The following ZNF385D variants were observed in gnomAD, a reference collection of about 807,000 sequenced individuals.
The protein encoded by ZNF385D is zinc finger protein 659.
Under a neutral mutation model 35.8 loss-of-function variants are expected in ZNF385D, and 15 were observed. The observed-to-expected ratio is 0.42, with a 90% CI of 0.28 to 0.64. The LOEUF (loss-of-function observed/expected upper bound fraction) is 0.64. ZNF385D is among the 30% of genes least tolerant of loss of function. ZNF385D has a pLI of 0.23. For synonymous variants in ZNF385D, 212 were observed against 186.8 expected (o/e 1.13, Z -1.10); for missense variants, 474 against 494.6 (o/e 0.96, Z 0.39).
intron 3 of ZNF385D, among the ~76,000 whole-genome samples, chr3:21,887,616 G>A (rs943452984): frequency 4.6e-5 from 7 of 152,004 alleles, no homozygotes; most frequent in East Asian, 1.9e-4. Context: ...GAGAAAAATC[G>A]TGTGATAGAA....
intron 2 of ZNF385D, among the ~76,000 whole-genome samples, chr3:22,259,510 T>C (rs1162985188): frequency 4.6e-5 from 7 of 152,008 alleles, no homozygotes; most frequent in African/African-American, 1.7e-4. Context: ...CAAACACTCA[T>C]ACAGCACCTT....
At chr3:22,020,383 G>T (rs1697152820) in intron 3 of ZNF385D, among the ~76,000 whole-genome samples, 1 of 151,698 alleles carries the variant, frequency 6.6e-6, no homozygotes, top group African/African-American at 2.4e-5. Context: ...TGAACCACAT[G>T]GGGAACATAA....
intron 4 of ZNF385D, among the ~76,000 whole-genome samples, chr3:21,508,024 G>C (rs1335011293): frequency 6.6e-6 from 1 of 151,918 alleles, no homozygotes; most frequent in Non-Finnish European, 1.5e-5. Flanking sequence ...TTTTTGTTTT[G>C]TTTTGTTTTT....
At chr3:21,891,101 T>G (rs775003099) in intron 3 of ZNF385D, among the ~76,000 whole-genome samples, 1 of 152,090 alleles carries the variant, frequency 6.6e-6, no homozygotes, top group Non-Finnish European at 1.5e-5. Context: ...ATTTGCAAAA[T>G]GGTTAAAGTA....
intron 2 of ZNF385D, among the ~76,000 whole-genome samples, chr3:22,175,356 G>C (rs2125769382): frequency 6.6e-6 from 1 of 151,978 alleles, no homozygotes; most frequent in South Asian, 2.1e-4. Flanking sequence ...CTCATGTCAT[G>C]GGATTAGATA....
chr3:21,461,529 T>A (rs1240224450), intron 4 of ZNF385D, among the ~76,000 whole-genome samples: 1 of 152,150 alleles, frequency 6.6e-6, no homozygotes, highest in East Asian at 1.9e-4. Context: ...GCCTGGGCAA[T>A]GGAGCTAGAC....
chr3:22,050,403 C>T (rs929956275), intron 3 of ZNF385D, among the ~76,000 whole-genome samples: 10 of 152,006 alleles, frequency 6.6e-5, no homozygotes, highest in Non-Finnish European at 1.2e-4. Flanking sequence ...ACCACCACAA[C>T]AAGAAAACAC....
chr3:21,427,664 T>A (rs962448549), intron 5 of ZNF385D, among the ~76,000 whole-genome samples: 1 of 152,082 alleles, frequency 6.6e-6, no homozygotes, highest in Non-Finnish European at 1.5e-5. Context: ...ATATGGTGCT[T>A]CTCAGAATAT....
At chr3:22,333,631 T>C (rs1425909281) in intron 2 of ZNF385D, among the ~76,000 whole-genome samples, 1 of 152,164 alleles carries the variant, frequency 6.6e-6, no homozygotes, top group Non-Finnish European at 1.5e-5. Context: ...TTTACATATA[T>C]TCTATTTCTT....
At position 21,880,338 on chromosome 3, in the gene ZNF385D, C is replaced by A. The variant is rs192100128; in HGVS notation, c.326-215310G>T. On this transcript the variant is annotated intron_variant, in intron 3 of 5. Coordinates refer to the ZNF385D transcript ENST00000494108. ...GCTTCTATTGGCACCATTTTTCCAA[C>A]AGCATGTGCTCACTTCGTGTTTCTG... Among the ~76,000 whole-genome samples, 6 of 152,132 alleles carry A rather than the reference C, an allele frequency of 3.9e-5. No individual in the cohort carries two copies. In the East Asian group the frequency reaches 7.8e-4, roughly 20 times the overall value.
chr3:21,636,739 C>T (rs935850278), intron 2 of ZNF385D, among the ~76,000 whole-genome samples: 1 of 151,890 alleles, frequency 6.6e-6, no homozygotes, highest in African/African-American at 2.4e-5. Context: ...CCCTCGCAGA[C>T]ACACCCAGGA....
At chr3:21,606,403 TTAGTGCCC>T (rs1412069117) in intron 2 of ZNF385D, among the ~76,000 whole-genome samples, 1 of 152,220 alleles carries the variant, frequency 6.6e-6, no homozygotes, top group African/African-American at 2.4e-5. Flanking sequence ...CTTTTTCTTA[TTAGTGCCC>T]TGACTGATCC....
chr3:22,178,461 T>A (rs533027203), intron 2 of ZNF385D, among the ~76,000 whole-genome samples: 24 of 152,290 alleles, frequency 1.6e-4, no homozygotes, highest in Middle Eastern at 6.8e-3. Context: ...GTTTGAGTTC[T>A]TTGTAGATTC....
intron 3 of ZNF385D, among the ~76,000 whole-genome samples, chr3:21,557,770 G>A (rs1328856222): frequency 1.3e-5 from 2 of 152,096 alleles, no homozygotes; most frequent in African/African-American, 2.4e-5. Context: ...GGTAGAATTC[G>A]TCTGTGAATC....
chr3:21,497,089 C>A (rs1705958323), intron 4 of ZNF385D, among the ~76,000 whole-genome samples: 1 of 152,046 alleles, frequency 6.6e-6, no homozygotes, highest in Non-Finnish European at 1.5e-5. Flanking sequence ...GCATCTAAAT[C>A]AGAAGAGAAG....
At chr3:22,047,396 C>T (rs995031216) in intron 3 of ZNF385D, among the ~76,000 whole-genome samples, 2 of 152,032 alleles carry the variant, frequency 1.3e-5, no homozygotes, top group Non-Finnish European at 2.9e-5. Context: ...TCACCAATAT[C>T]CTTTATTACC....
Position 21,757,134 on chromosome 3 carries a change from T to TTTTTGTTTTTG in ZNF385D, c.326-92107_326-92106insCAAAAACAAAA, listed in dbSNP as rs1553654011. 5.5e-4 allele frequency among the ~76,000 whole-genome samples: 71 copies of TTTTTGTTTTTG among 128,272 alleles called. No homozygotes were observed. In the South Asian group the frequency reaches 0.01, roughly 18 times the overall value. The allele number at this position is 128,272 out of a possible 152,430, so 84.2% of individuals were successfully genotyped here. A position where few individuals can be genotyped will look rare whatever the true frequency, so the allele number is the denominator to read the frequency against. On this transcript the variant is annotated intron_variant, in intron 3 of 5. Coordinates refer to the ZNF385D transcript ENST00000494108. ...GATAAATTTCTCTTTTTTTTTTTTT[T>TTTTTGTTTTTG]TTTTTGTTTTCTTGAGATGGTGTCT...
At chr3:22,258,540 G>C (rs1700433496) in intron 2 of ZNF385D, among the ~76,000 whole-genome samples, 1 of 151,566 alleles carries the variant, frequency 6.6e-6, no homozygotes, top group African/African-American at 2.4e-5. Context: ...GCCTCTCTGG[G>C]TAGCAGAACT....
Position 21,417,614 on chromosome 3 carries a change from T to C in ZNF385D, c.*3600A>G, listed in dbSNP as rs1363863880. On this transcript the variant is annotated 3_prime_UTR_variant, in exon 8 of 8. Transcript: ENST00000281523. ...TAATTTAAAATTTAATTGTAATTGG[T>C]GATATTTATTGCTCATGTCTACTAT... 1 of 152,126 alleles carries C rather than the reference T, an allele frequency of 6.6e-6. No individual in the cohort carries two copies. The highest frequency in any genetic ancestry group is 2.4e-5 in the African/African-American group (1 of 41,438). 9.4% of individuals were successfully genotyped at this position (152,126 alleles called of 1,614,324 possible). A position where few individuals can be genotyped will look rare whatever the true frequency, so the allele number is the denominator to read the frequency against.
Sources: allele counts gnomAD v4.1 joint callset (sites outside exome capture counted in the v4.1 genomes callset), GRCh38; gene constraint gnomAD v4.1.1; transcripts MANE v1.5; gene names NCBI Gene and HGNC (gene_info 2026-07-23, HGNC 2026-07-21).